The following FAM227A variants were observed in gnomAD, a reference collection of about 807,000 sequenced individuals.
FAM227A encodes the protein family with sequence similarity 227 member A, also known as protein FAM227A.
Under a neutral mutation model 74.7 loss-of-function variants are expected in FAM227A, and 80 were observed. The observed-to-expected ratio is 1.07, with a 90% CI of 0.89 to 1.29. The LOEUF is 1.29. FAM227A is among the 50% of genes most tolerant of loss of function. FAM227A has a pLI of 0.00. For missense variants in FAM227A, 654 were observed against 683.4 expected, an observed-to-expected ratio of 0.96 and a Z score of 0.48; for synonymous variants, 237 against 241.8, an observed-to-expected ratio of 0.98 and a Z score of 0.19.
At chr22:38,613,654 C>A (rs1005480806) in intron 11 of FAM227A, among the ~76,000 whole-genome samples, 10 of 151,226 alleles carry the variant, frequency 6.6e-5, no homozygotes, top group Non-Finnish European at 1.3e-4. Context: ...TCAAAGACAT[C>A]ATTTTTCCTA....
chr22:38,610,996 G>C (rs891236640), intron 11 of FAM227A, among the ~76,000 whole-genome samples: 6 of 152,168 alleles, frequency 3.9e-5, no homozygotes, highest in Non-Finnish European at 8.8e-5. Flanking sequence ...GGAGGCAGAG[G>C]TTGCAGTGAG....
intron 6 of FAM227A, among the ~76,000 whole-genome samples, chr22:38,630,458 CAA>C (rs2091894896): frequency 1.3e-5 from 2 of 152,184 alleles, no homozygotes; most frequent in African/African-American, 4.8e-5. Flanking sequence ...TGACTTTGAG[CAA>C]AGTTACTGAA....
At chr22:38,609,814 C>T (rs1288226521) in intron 11 of FAM227A, among the ~76,000 whole-genome samples, 1 of 151,872 alleles carries the variant, frequency 6.6e-6, no homozygotes, top group Non-Finnish European at 1.5e-5. Context: ...TCTTGTTGCC[C>T]AGGCTGGAGT....
rs1193497223 is a variant in FAM227A, at chr22:38,585,395, T to C, written c.*730A>G. ...ACACAGAAACACATTACAGATGTCA[T>C]GTCCCTGGGCTGAGTTTAGAAAAGA... On this transcript the variant is annotated 3_prime_UTR_variant, in exon 17 of 17. Transcript: ENST00000535113. 1 of 152,142 alleles carries C rather than the reference T, an allele frequency of 6.6e-6. No homozygotes were observed. The highest frequency in any genetic ancestry group is 1.5e-5 in the Non-Finnish European group (1 of 68,054). The allele number at this position is 152,142 out of a possible 1,614,324, so 9.4% of individuals were successfully genotyped here.
intron 12 of FAM227A, among the ~76,000 whole-genome samples, 190 bp from the exon 13 acceptor site, chr22:38,605,538 C>A (rs898076433): frequency 2.6e-5 from 4 of 152,316 alleles, no homozygotes; most frequent in Non-Finnish European, 5.9e-5. Flanking sequence ...GATCTGCCCA[C>A]CTTGGCCTCC....
At position 38,650,159 on chromosome 22, in the gene FAM227A, A is replaced by G; in HGVS notation, c.10T>C (p.Phe4Leu). 6.4e-7 allele frequency: 1 copy of G among 1,551,622 alleles called. No individual in the cohort carries two copies. Among genetic ancestry groups the G allele is most frequent in the Non-Finnish European group, 8.7e-7 (1 of 1,146,962 alleles). ...AGGTTGATGACCTCCATCTTCCTGA[A>G]GTGATTCATTGTCCAATTTCTTGTA... MNH[F>L]RKMEVINLTT... is the part of the protein sequence containing the mutation. Residue 4 changes from phenylalanine (F) to leucine (L), a missense_variant, in exon 2 of 17, where the codon TTC becomes CTC. Phe to Leu is a conservative substitution (Grantham distance 22). Coordinates refer to ENST00000535113, the MANE Select transcript of FAM227A (RefSeq NM_001013647.2).
intron 2 of FAM227A, chr22:38,649,800 A>G (rs1243661021): frequency 2.9e-5 from 11 of 376,898 alleles, no homozygotes; most frequent in African/African-American, 2.0e-4. Context: ...CCTGGGAGGT[A>G]GAGGTTGCAG....
Position 38,582,867 on chromosome 22 carries a change from T to C in FAM227A, c.*3258A>G, listed in dbSNP as rs2090729307. ...AGTGGAGCACTTGTGCCTACCTTGC[T>C]CCTGGTATATTAGGGAAGGCTCCCA... On this transcript the variant is annotated 3_prime_UTR_variant, in exon 17 of 17. Transcript: ENST00000535113. 2 of 1,550,494 alleles carry C rather than the reference T, an allele frequency of 1.3e-6. No individual in the cohort carries two copies. Among genetic ancestry groups the C allele is most frequent in the Non-Finnish European group, 1.7e-6 (2 of 1,146,996 alleles).
chr22:38,600,069 CA>C, intron 13 of FAM227A, 148 bp from the exon 14 acceptor site: 8 of 721,514 alleles, frequency 1.1e-5, no homozygotes, highest in East Asian at 2.9e-5. Flanking sequence ...CAAAATAAAG[CA>C]AAAAAAGGTC....
chr22:38,642,657 C>T (rs1343264571), intron 3 of FAM227A, among the ~76,000 whole-genome samples: 3 of 152,158 alleles, frequency 2.0e-5, no homozygotes, highest in African/African-American at 4.8e-5. Context: ...TCAAAGAGGC[C>T]GGGCGTGGTG....
intron 10 of FAM227A, among the ~76,000 whole-genome samples, chr22:38,620,954 T>A (rs1388173125): frequency 6.6e-6 from 1 of 152,150 alleles, no homozygotes; most frequent in Non-Finnish European, 1.5e-5. Flanking sequence ...AAACAATCTA[T>A]CAAACTCATA....
chr22:38,615,353 ACT>A (rs1394108603), intron 11 of FAM227A, among the ~76,000 whole-genome samples: 6 of 152,158 alleles, frequency 3.9e-5, no homozygotes, highest in African/African-American at 1.2e-4. Flanking sequence ...AGGGAGACAA[ACT>A]CTAAACAACA....
chr22:38,640,215 A>T (rs2092085441), intron 3 of FAM227A, among the ~76,000 whole-genome samples: 1 of 151,910 alleles, frequency 6.6e-6, no homozygotes, highest in Admixed American at 6.6e-5. Context: ...TTGTATTTTT[A>T]GTAGAGATGG....
chr22:38,605,714 C>T (rs1242085773), intron 12 of FAM227A, among the ~76,000 whole-genome samples: 1 of 152,146 alleles, frequency 6.6e-6, no homozygotes, highest in Non-Finnish European at 1.5e-5. Flanking sequence ...ATACATGGGT[C>T]TTTGTGAATT....
In FAM227A at chr22:38,636,416, T is replaced by C. The variant is rs529475827; in HGVS notation, c.519+35A>G. On this transcript the variant is annotated intron_variant, in intron 6 of 16. Transcript: ENST00000535113. ...TGACAGCTGCATTTGCCCCATGGGT[T>C]GGCAAACTCAGGGCAGGCACTGCTT... 8.4e-5 allele frequency: 130 copies of C among 1,545,860 alleles called. 1 individual carries two copies. Among genetic ancestry groups the C allele is most frequent in the Non-Finnish European group, 7.4e-5 (85 of 1,144,656 alleles).
At chr22:38,604,104 A>G (rs2091232775) in intron 13 of FAM227A, among the ~76,000 whole-genome samples, 1 of 152,140 alleles carries the variant, frequency 6.6e-6, no homozygotes, top group African/African-American at 2.4e-5. Context: ...AAGGGGGCGG[A>G]TCACCTGAGA....
rs544265570 is a variant in FAM227A, at chr22:38,619,944, A to G, written c.1038+268T>C. ...AAAAAAATAAGTAAAAGCATCTTGC[A>G]CTGCAGCCTACACTGAAAACCTGGT... On this transcript the variant is annotated intron_variant, in intron 11 of 16. Coordinates refer to ENST00000535113, the MANE Select transcript of FAM227A (RefSeq NM_001013647.2). Among the ~76,000 whole-genome samples the G allele has an allele frequency of 2.4e-4, 37 of 152,312 alleles. No individual in the cohort carries two copies. The South Asian group carries it at 7.7e-3, about 32-fold the overall frequency.
intron 3 of FAM227A, among the ~76,000 whole-genome samples, chr22:38,640,569 G>T (rs1468341119): frequency 2.0e-5 from 3 of 152,108 alleles, no homozygotes; most frequent in South Asian, 2.1e-4. Context: ...TGTCAACCAA[G>T]AGTCCAGCAA....
chr22:38,647,998 G>C (rs910907062), intron 2 of FAM227A, among the ~76,000 whole-genome samples: 7 of 152,172 alleles, frequency 4.6e-5, no homozygotes, highest in Non-Finnish European at 7.4e-5. Context: ...AGGAAGGTGA[G>C]GGGGGCAGAG....
Sources: allele counts gnomAD v4.1 joint callset (sites outside exome capture counted in the v4.1 genomes callset), GRCh38; gene constraint gnomAD v4.1.1; transcripts MANE v1.5; gene names NCBI Gene and HGNC (gene_info 2026-07-23, HGNC 2026-07-21).